HS6ST3: variants seen among roughly 807,000 people sequenced by gnomAD.
The protein encoded by HS6ST3 is heparan sulfate 6-O-sulfotransferase 3.
HS6ST3 carries 12 observed loss-of-function variants against 36.7 expected under a neutral mutation model. That is an observed-to-expected ratio of 0.33 (90% CI 0.21 to 0.53). The LOEUF (loss-of-function observed/expected upper bound fraction) is 0.53, where lower values mean the gene tolerates loss of function less well. Ranked by LOEUF, HS6ST3 falls within the 20% of genes least tolerant of loss-of-function variation. The pLI, the probability that HS6ST3 is intolerant of heterozygous loss-of-function variation, is 0.95. For synonymous variants in HS6ST3, 240 were observed against 257.5 expected, an observed-to-expected ratio of 0.93 and a Z score of 0.65; for missense variants, 584 against 640.9, an observed-to-expected ratio of 0.91 and a Z score of 0.96.
chr13:96,607,985 A>G (rs1566410015), intron 1 of HS6ST3, among the ~76,000 whole-genome samples: 1 of 152,348 alleles, frequency 6.6e-6, no homozygotes, highest in East Asian at 1.9e-4. Flanking sequence ...AATGGTAGCT[A>G]TCAAGGAAGC....
At chr13:96,396,124 G>A (rs2055420074) in intron 1 of HS6ST3, among the ~76,000 whole-genome samples, 1 of 152,066 alleles carries the variant, frequency 6.6e-6, no homozygotes, top group Non-Finnish European at 1.5e-5. Context: ...GACGAGCCTG[G>A]CCAACATGGA....
intron 1 of HS6ST3, among the ~76,000 whole-genome samples, chr13:96,709,584 C>T (rs1485064686): frequency 1.3e-5 from 2 of 152,078 alleles, no homozygotes; most frequent in African/African-American, 2.4e-5. Flanking sequence ...TAGGAAGAAA[C>T]AAGAGAGAGA....
chr13:96,822,030 C>T (rs1878545745), intron 1 of HS6ST3, among the ~76,000 whole-genome samples: 1 of 152,188 alleles, frequency 6.6e-6, no homozygotes, highest in Non-Finnish European at 1.5e-5. Flanking sequence ...ATGGTTTCTA[C>T]CTGTGTAATT....
chr13:96,222,349 G>C (rs1406098622), intron 1 of HS6ST3, among the ~76,000 whole-genome samples: 1 of 152,192 alleles, frequency 6.6e-6, no homozygotes, highest in Non-Finnish European at 1.5e-5. Flanking sequence ...AAAGGTGATT[G>C]CAACATTTCT....
intron 1 of HS6ST3, among the ~76,000 whole-genome samples, chr13:96,280,167 G>A (rs967697007): frequency 6.6e-6 from 1 of 152,132 alleles, no homozygotes; most frequent in Admixed American, 6.5e-5. Context: ...TTCTGCAAAA[G>A]CGATGTGTCA....
At chr13:96,574,682 G>A (rs2056314523) in intron 1 of HS6ST3, among the ~76,000 whole-genome samples, 1 of 152,202 alleles carries the variant, frequency 6.6e-6, no homozygotes, top group Non-Finnish European at 1.5e-5. Context: ...GAATGAAACA[G>A]AACTTGAGGG....
intron 1 of HS6ST3, among the ~76,000 whole-genome samples, chr13:96,276,082 C>G (rs1246610550): frequency 6.6e-6 from 1 of 151,944 alleles, no homozygotes; most frequent in Admixed American, 6.6e-5. Context: ...CCATTCCCAG[C>G]ATGCCTTGCC....
chr13:96,264,822 G>T (rs902530932), intron 1 of HS6ST3, among the ~76,000 whole-genome samples: 11 of 152,122 alleles, frequency 7.2e-5, no homozygotes, highest in Non-Finnish European at 4.4e-5. Context: ...AAAATTATTT[G>T]CCAGTGTTAT....
intron 1 of HS6ST3, among the ~76,000 whole-genome samples, chr13:96,402,946 C>T (rs576941229): frequency 2.6e-5 from 4 of 152,110 alleles, no homozygotes; most frequent in Non-Finnish European, 4.4e-5. Flanking sequence ...GAATCACTGG[C>T]GTGTAGGATA....
chr13:96,317,656 G>C (rs1215383186), intron 1 of HS6ST3, among the ~76,000 whole-genome samples: 1 of 150,514 alleles, frequency 6.6e-6, no homozygotes, highest in Admixed American at 6.6e-5. Flanking sequence ...TACGGTGGCC[G>C]AACTAATTTA....
intron 1 of HS6ST3, among the ~76,000 whole-genome samples, chr13:96,397,673 A>G (rs1209667849): frequency 1.3e-5 from 2 of 152,220 alleles, no homozygotes; most frequent in Non-Finnish European, 2.9e-5. Flanking sequence ...TCAGAAAAAA[A>G]CACAAACAAA....
At chr13:96,268,567 T>A (rs866049677) in intron 1 of HS6ST3, among the ~76,000 whole-genome samples, 1 of 152,060 alleles carries the variant, frequency 6.6e-6, no homozygotes, top group Middle Eastern at 3.4e-3. Flanking sequence ...CCACATCAAG[T>A]CCATAGCAAT....
intron 1 of HS6ST3, among the ~76,000 whole-genome samples, chr13:96,382,675 A>G (rs2055347129): frequency 6.6e-6 from 1 of 152,202 alleles, no homozygotes; most frequent in Non-Finnish European, 1.5e-5. Flanking sequence ...AGGGGTGTGC[A>G]CTTCTAGAAA....
intron 1 of HS6ST3, among the ~76,000 whole-genome samples, chr13:96,391,536 G>A (rs1221156991): frequency 6.6e-6 from 1 of 152,114 alleles, no homozygotes; most frequent in East Asian, 1.9e-4. Flanking sequence ...CTCTGTATTA[G>A]CCTGTTTTCA....
chr13:96,344,746 T>C (rs2055145669), intron 1 of HS6ST3, among the ~76,000 whole-genome samples: 1 of 152,234 alleles, frequency 6.6e-6, no homozygotes, highest in Non-Finnish European at 1.5e-5. Flanking sequence ...TTCTGTTTAA[T>C]GAAGGTCATT....
chr13:96,640,257 A>C (rs969716220), intron 1 of HS6ST3, among the ~76,000 whole-genome samples: 2 of 151,824 alleles, frequency 1.3e-5, no homozygotes, highest in African/African-American at 4.8e-5. Context: ...AATGATAGCC[A>C]TTCTGATTGG....
chr13:96,816,424 TA>T (rs1035741359), intron 1 of HS6ST3, among the ~76,000 whole-genome samples: 1 of 152,172 alleles, frequency 6.6e-6, no homozygotes, highest in Non-Finnish European at 1.5e-5. Flanking sequence ...CCAAGCAAAG[TA>T]GGATTTCACA....
intron 1 of HS6ST3, among the ~76,000 whole-genome samples, chr13:96,812,473 A>G (rs1324499452): frequency 6.6e-6 from 1 of 152,146 alleles, no homozygotes; most frequent in Non-Finnish European, 1.5e-5. Flanking sequence ...AAAACACACC[A>G]ATGTAGACAT....
intron 1 of HS6ST3, among the ~76,000 whole-genome samples, chr13:96,739,367 A>C (rs896015477): frequency 7.3e-5 from 11 of 151,476 alleles, no homozygotes; most frequent in African/African-American, 2.7e-4. Flanking sequence ...GCTTAAATCC[A>C]TTCCCTAACT....
Sources: allele counts gnomAD v4.1 joint callset (sites outside exome capture counted in the v4.1 genomes callset), GRCh38; gene constraint gnomAD v4.1.1; transcripts MANE v1.5; gene names NCBI Gene and HGNC (gene_info 2026-07-23, HGNC 2026-07-21).